The following PVALB variants were observed in gnomAD, a reference collection of about 807,000 sequenced individuals.
The protein encoded by PVALB is parvalbumin.
Under a neutral mutation model 10.9 loss-of-function variants are expected in PVALB, and 11 were observed. The ratio of observed to expected loss-of-function variants is 1.01; its 90% CI spans 0.63 to 1.67. PVALB has a LOEUF of 1.67. PVALB is among the 40% of genes most tolerant of loss of function. The probability of loss-of-function intolerance (pLI) is 0.00; values close to 1 mark genes in which losing one functional copy is unlikely to be tolerated. For missense variants in PVALB, 131 were observed against 136.2 expected, an observed-to-expected ratio of 0.96 and a Z score of 0.19; for synonymous variants, 57 against 50.7, an observed-to-expected ratio of 1.12 and a Z score of -0.53.
At chr22:36,810,636 G>A (rs1005704425) in intron 3 of PVALB, among the ~76,000 whole-genome samples, 7 of 152,152 alleles carry the variant, frequency 4.6e-5, no homozygotes, top group Non-Finnish European at 7.3e-5. Context: ...TCACTCCCTG[G>A]GCTGCCCTTT....
chr22:36,803,240 T>A (rs1782371667), intron 3 of PVALB, among the ~76,000 whole-genome samples: 1 of 152,214 alleles, frequency 6.6e-6, no homozygotes, highest in Middle Eastern at 3.2e-3. Context: ...ATCCCTGTAG[T>A]TTCCGACCTA....
At chr22:36,804,262 G>A (rs1312021716) in intron 3 of PVALB, among the ~76,000 whole-genome samples, 2 of 152,178 alleles carry the variant, frequency 1.3e-5, no homozygotes, top group Non-Finnish European at 2.9e-5. Context: ...GTGTGACGGG[G>A]ACCCAGGGAC....
At chr22:36,815,817 A>G (rs1016837638) in intron 1 of PVALB, among the ~76,000 whole-genome samples, 1 of 151,924 alleles carries the variant, frequency 6.6e-6, no homozygotes, top group African/African-American at 2.4e-5. Context: ...GGGTGTTAGG[A>G]GGCTCCCGAG....
At chr22:36,803,989 A>G (rs1350970427) in intron 3 of PVALB, among the ~76,000 whole-genome samples, 1 of 152,176 alleles carries the variant, frequency 6.6e-6, no homozygotes, top group African/African-American at 2.4e-5. Context: ...TGAACCCTCT[A>G]CAGCTTCAAC....
chr22:36,801,310 A>G (rs546716009), intron 3 of PVALB, among the ~76,000 whole-genome samples: 1 of 152,186 alleles, frequency 6.6e-6, no homozygotes, highest in Non-Finnish European at 1.5e-5. Context: ...GCATTTTGGC[A>G]TTGTTCCTGT....
At chr22:36,813,917 T>C (rs1379393194) in intron 2 of PVALB, among the ~76,000 whole-genome samples, 162 bp from the exon 3 acceptor site, 1 of 152,176 alleles carries the variant, frequency 6.6e-6, no homozygotes, top group Non-Finnish European at 1.5e-5. Context: ...GGTAGCCTGC[T>C]CGGTGGCTGT....
intron 3 of PVALB, chr22:36,813,358 G>T (rs1939075338): frequency 5.2e-6 from 2 of 383,682 alleles, no homozygotes; most frequent in South Asian, 4.4e-5. Flanking sequence ...AAAAATGCAG[G>T]CAGAGTTCAG....
At chr22:36,801,583 T>C (rs1297284091) in intron 3 of PVALB, among the ~76,000 whole-genome samples, 2 of 152,150 alleles carry the variant, frequency 1.3e-5, no homozygotes, top group East Asian at 1.9e-4. Context: ...GTGAATCACT[T>C]GAGGTCAGGA....
chr22:36,814,605 C>G (rs1050534058), intron 2 of PVALB, among the ~76,000 whole-genome samples: 1 of 152,098 alleles, frequency 6.6e-6, no homozygotes, highest in African/African-American at 2.4e-5. Flanking sequence ...TTCTCCTTCT[C>G]TGCTTTTCTC....
chr22:36,803,692 G>GATGC (rs1938906855), intron 3 of PVALB, among the ~76,000 whole-genome samples: 1 of 139,054 alleles, frequency 7.2e-6, no homozygotes, highest in Admixed American at 7.2e-5. Context: ...TGGATGGATG[G>GATGC]ATGGATGGAT....
At chr22:36,816,398 G>A (rs566816112) in intron 1 of PVALB, 1 of 152,728 alleles carries the variant, frequency 6.5e-6, no homozygotes, top group Non-Finnish European at 1.5e-5. Flanking sequence ...TGCGGGCTTA[G>A]GCAGAGCTGT....
intron 3 of PVALB, among the ~76,000 whole-genome samples, chr22:36,808,708 C>T (rs1019517151): frequency 9.2e-5 from 14 of 152,290 alleles, no homozygotes; most frequent in African/African-American, 1.4e-4. Flanking sequence ...TGCTGACACC[C>T]GCTCCCAGCT....
chr22:36,810,085 A>T (rs909834173), intron 3 of PVALB, among the ~76,000 whole-genome samples: 1 of 152,026 alleles, frequency 6.6e-6, no homozygotes, highest in Non-Finnish European at 1.5e-5. Context: ...GGGTTTCACC[A>T]TGTTGGCCAG....
upstream of PVALB, chr22:36,818,530 T>A (rs1037757247): frequency 1.3e-5 from 2 of 152,698 alleles, no homozygotes; most frequent in African/African-American, 4.8e-5. Flanking sequence ...CTGATGCCTC[T>A]CAGCTCCAGG....
chr22:36,810,514 G>A (rs965454613), intron 3 of PVALB, among the ~76,000 whole-genome samples: 1 of 152,190 alleles, frequency 6.6e-6, no homozygotes, highest in African/African-American at 2.4e-5. Flanking sequence ...TGTGCTCATT[G>A]TCTATTTTAT....
intron 2 of PVALB, among the ~76,000 whole-genome samples, chr22:36,814,716 G>T (rs1034107846): frequency 1.3e-5 from 2 of 152,130 alleles, no homozygotes; most frequent in Non-Finnish European, 2.9e-5. Context: ...GCAGGAAGGT[G>T]GAAAGTGTCT....
chr22:36,808,338 A>C (rs1294749219), intron 3 of PVALB, among the ~76,000 whole-genome samples: 1 of 151,922 alleles, frequency 6.6e-6, no homozygotes, highest in Non-Finnish European at 1.5e-5. Flanking sequence ...TGGTCAACAC[A>C]CTCTGCGGGG....
intron 3 of PVALB, among the ~76,000 whole-genome samples, chr22:36,801,294 T>A (rs1357081450): frequency 2.0e-5 from 3 of 152,206 alleles, no homozygotes; most frequent in African/African-American, 7.2e-5. Flanking sequence ...AATAGTCCTG[T>A]CTGGTGCATT....
chr22:36,814,084 G>C lies in PVALB; in HGVS notation c.195-329C>G, dbSNP rs547327342. Among the ~76,000 whole-genome samples the C allele has an allele frequency of 5.3e-5, 8 of 152,314 alleles. No individual in the cohort carries two copies. The East Asian group carries it at 1.5e-3, about 29-fold the overall frequency. On this transcript the variant is annotated intron_variant, in intron 2 of 3. Coordinates refer to ENST00000417718, the MANE Select transcript of PVALB (RefSeq NM_001315532.2). ...TATGCTGGAAAGTGGGGTCACAGTG[G>C]TGATCTTCGGAAGGCACTGGAAAAA...
Sources: gnomAD v4.1 joint callset for allele counts (sites outside exome capture counted in the v4.1 genomes callset) on GRCh38, gnomAD v4.1.1 for gene constraint, MANE v1.5 for transcripts, NCBI Gene and HGNC (gene_info 2026-07-23, HGNC 2026-07-21) for gene names.